The following AFG1L variants were observed in gnomAD, a reference collection of about 807,000 sequenced individuals.
AFG1L encodes AFG1-like ATPase.
In AFG1L, 53 loss-of-function variants were observed where a neutral mutation model predicts 62.2. The ratio of observed to expected loss-of-function variants is 0.85; its 90% confidence interval spans 0.68 to 1.07. AFG1L has a LOEUF of 1.07. Among genes scored for constraint, AFG1L ranks in the 50% least tolerant of loss-of-function variants. AFG1L has a pLI of 0.00. For missense variants in AFG1L, 555 were observed against 590.5 expected, an observed-to-expected ratio of 0.94 and a Z score of 0.62; for synonymous variants, 228 against 210.3, an observed-to-expected ratio of 1.08 and a Z score of -0.73.
At chr6:108,448,073 T>C (rs1461192405) in intron 8 of AFG1L, among the ~76,000 whole-genome samples, 1 of 152,202 alleles carries the variant, frequency 6.6e-6, no homozygotes, top group Non-Finnish European at 1.5e-5. Flanking sequence ...AGTTCTTGTC[T>C]CTGCCACCTT....
intron 8 of AFG1L, among the ~76,000 whole-genome samples, chr6:108,448,871 C>G (rs1771927373): frequency 6.6e-6 from 1 of 152,074 alleles, no homozygotes; most frequent in Non-Finnish European, 1.5e-5. Flanking sequence ...ATTCAAAGGC[C>G]AGGCACAATG....
rs539252658 is a variant in AFG1L, at chr6:108,437,694, T to C, written c.808-9520T>C. ...GACTAAATACGTAAAGGAAATAATA[T>C]AAAATCATATTGTATGGCCCCCAGA... On this transcript the variant is annotated intron_variant, in intron 7 of 12. Transcript: ENST00000368977. Among the ~76,000 whole-genome samples, 5 of 152,300 alleles carry C rather than the reference T, an allele frequency of 3.3e-5. No individual in the cohort carries two copies. In the East Asian group the frequency reaches 5.8e-4, roughly 18 times the overall value.
At chr6:108,419,443 C>T (rs1445933171) in intron 7 of AFG1L, among the ~76,000 whole-genome samples, 1 of 152,088 alleles carries the variant, frequency 6.6e-6, no homozygotes, top group Non-Finnish European at 1.5e-5. Context: ...ATAGAATTTT[C>T]TCTTGATGAA....
At chr6:108,487,125 G>A (rs1007149208) in intron 10 of AFG1L, among the ~76,000 whole-genome samples, 2 of 152,224 alleles carry the variant, frequency 1.3e-5, no homozygotes, top group African/African-American at 4.8e-5. Context: ...AATAACATAA[G>A]CCAAATATTA....
At chr6:108,500,163 G>GGTGCGTGC (rs557686036) in intron 10 of AFG1L, among the ~76,000 whole-genome samples, 1 of 110,794 alleles carries the variant, frequency 9.0e-6, no homozygotes, top group Non-Finnish European at 1.9e-5. Context: ...AGTATTCCAT[G>GGTGCGTGC]GTGCGTGCGT....
At chr6:108,515,799 T>TA (rs1390900710) in intron 11 of AFG1L, among the ~76,000 whole-genome samples, 8 of 151,814 alleles carry the variant, frequency 5.3e-5, no homozygotes, top group Non-Finnish European at 8.8e-5. Context: ...ATAGACACAA[T>TA]AAAAAATGAT....
At chr6:108,498,837 T>C (rs1774071483) in intron 10 of AFG1L, among the ~76,000 whole-genome samples, 2 of 151,860 alleles carry the variant, frequency 1.3e-5, no homozygotes, top group Admixed American at 6.6e-5. Flanking sequence ...TAGACAGGCG[T>C]GTGGCATGCA....
rs377349226 is a variant in AFG1L at position 108,401,953 on chromosome 6, G to A, written c.749-43G>A. The A allele has an allele frequency of 5.0e-4, 432 of 867,010 alleles. 1 individual carries two copies. The highest frequency in any genetic ancestry group is 7.5e-4 in the Non-Finnish European group (405 of 540,730). 53.7% of individuals were successfully genotyped at this position (867,010 alleles called of 1,614,324 possible). A position where few individuals can be genotyped will look rare whatever the true frequency, so the allele number is the denominator to read the frequency against. The stretch of plus-strand genomic sequence containing the variant: ...AGGCTAAACGATAAATTAACATCAT[G>A]ATTTAGGCTAAGCAAAAAACTAATA... On this transcript the variant is annotated intron_variant, in intron 6 of 12. Coordinates refer to ENST00000368977, the MANE Select transcript of AFG1L (RefSeq NM_145315.5).
At chr6:108,409,787 A>G (rs1435514951) in intron 7 of AFG1L, among the ~76,000 whole-genome samples, 3 of 152,216 alleles carry the variant, frequency 2.0e-5, no homozygotes, top group East Asian at 1.9e-4. Context: ...ATGAAAGATC[A>G]TATAAAATGA....
chr6:108,325,823 C>T (rs193034875), intron 2 of AFG1L, among the ~76,000 whole-genome samples: 18 of 151,448 alleles, frequency 1.2e-4, no homozygotes, highest in East Asian at 3.9e-4. Context: ...CTCTGTCTCC[C>T]GGGCTGAAGT....
In AFG1L at chr6:108,429,752, A is replaced by G. The variant is rs183790290; in HGVS notation, c.808-17462A>G. 7.2e-5 allele frequency among the ~76,000 whole-genome samples: 11 copies of G among 152,154 alleles called. No individual in the cohort carries two copies. In the East Asian group the frequency reaches 1.5e-3, roughly 21 times the overall value. On this transcript the variant is annotated intron_variant, in intron 7 of 12. Coordinates refer to ENST00000368977, the MANE Select transcript of AFG1L (RefSeq NM_145315.5). ...CTTTTTGTCTAGGATTGCTTTGGCT[A>G]TTAGGGCTCTTTCTTGATTCCATAT...
intron 2 of AFG1L, among the ~76,000 whole-genome samples, chr6:108,334,050 T>G (rs1778379942): frequency 6.6e-6 from 1 of 152,146 alleles, no homozygotes; most frequent in African/African-American, 2.4e-5. Flanking sequence ...ATCTGTCACA[T>G]AGGCTGGAGT....
At chr6:108,387,304 C>T (rs1582490610) in intron 6 of AFG1L, among the ~76,000 whole-genome samples, 1 of 152,220 alleles carries the variant, frequency 6.6e-6, no homozygotes, top group Non-Finnish European at 1.5e-5. Context: ...AAGGCTGTGG[C>T]CACACCATGG....
chr6:108,479,904 G>A (rs2114822522), intron 10 of AFG1L, among the ~76,000 whole-genome samples: 1 of 152,276 alleles, frequency 6.6e-6, no homozygotes, highest in African/African-American at 2.4e-5. Flanking sequence ...CTTTGGCAAG[G>A]AGTAGATTGG....
chr6:108,329,232 T>C (rs894477889), intron 2 of AFG1L, among the ~76,000 whole-genome samples: 1 of 150,558 alleles, frequency 6.6e-6, no homozygotes, highest in Non-Finnish European at 1.5e-5. Flanking sequence ...GAGCCACCGC[T>C]CTTGGCCCTT....
chr6:108,299,562 T>C (rs1211908898), intron 1 of AFG1L, among the ~76,000 whole-genome samples: 1 of 152,170 alleles, frequency 6.6e-6, no homozygotes, highest in Non-Finnish European at 1.5e-5. Flanking sequence ...TAGTTAGTTG[T>C]AGGACACTTG....
chr6:108,324,774 A>C (rs1777971587), intron 2 of AFG1L, among the ~76,000 whole-genome samples: 1 of 151,450 alleles, frequency 6.6e-6, no homozygotes, highest in Admixed American at 6.6e-5. Flanking sequence ...GCTCCTGGCA[A>C]CCTTTGCCTC....
intron 7 of AFG1L, among the ~76,000 whole-genome samples, chr6:108,435,772 C>G (rs1280834114): frequency 6.6e-6 from 1 of 152,180 alleles, no homozygotes; most frequent in Non-Finnish European, 1.5e-5. Flanking sequence ...ACTGGCAGAA[C>G]ATAGCTGGAA....
chr6:108,508,818 G>A (rs561146359), intron 10 of AFG1L, among the ~76,000 whole-genome samples: 17 of 152,192 alleles, frequency 1.1e-4, no homozygotes, highest in African/African-American at 3.9e-4. Context: ...CAGGAATATC[G>A]CCATATCAAC....
Sources: allele counts gnomAD v4.1 joint callset (sites outside exome capture counted in the v4.1 genomes callset), GRCh38; gene constraint gnomAD v4.1.1; transcripts MANE v1.5; gene names NCBI Gene and HGNC (gene_info 2026-07-23, HGNC 2026-07-21).